The following MTUS2 variants were observed in gnomAD, a reference collection of about 807,000 sequenced individuals.
MTUS2 encodes the protein microtubule-associated tumor suppressor candidate 2.
Under a neutral mutation model 114.1 loss-of-function variants are expected in MTUS2, and 40 were observed. The ratio of observed to expected loss-of-function variants is 0.35; its 90% CI spans 0.27 to 0.46. MTUS2 has a LOEUF of 0.46. MTUS2 is among the 20% of genes least tolerant of loss of function. The pLI is 1.00. For synonymous variants in MTUS2, 688 were observed against 672.0 expected (o/e 1.02, Z -0.37); for missense variants, 1,679 against 1,705.4 (o/e 0.98, Z 0.27).
intron 5 of MTUS2, among the ~76,000 whole-genome samples, chr13:29,132,072 CA>C (rs1891787455): frequency 6.6e-6 from 1 of 152,184 alleles, no homozygotes; most frequent in South Asian, 2.1e-4. Flanking sequence ...GGTTTCAGCC[CA>C]AATATTGACA....
At chr13:28,844,124 C>T (rs1875699410) in intron 2 of MTUS2, among the ~76,000 whole-genome samples, 1 of 152,152 alleles carries the variant, frequency 6.6e-6, no homozygotes, top group African/African-American at 2.4e-5. Context: ...TGGATTTCTG[C>T]CCTCTCCTTG....
At chr13:28,898,205 G>A (rs1392337956) in intron 2 of MTUS2, among the ~76,000 whole-genome samples, 1 of 152,124 alleles carries the variant, frequency 6.6e-6, no homozygotes, top group African/African-American at 2.4e-5. Context: ...TGTAGTCCAT[G>A]ACAGAAGAGC....
At chr13:29,165,061 C>T (rs372531304) in intron 5 of MTUS2, among the ~76,000 whole-genome samples, 9 of 152,266 alleles carry the variant, frequency 5.9e-5, no homozygotes, top group African/African-American at 1.4e-4. Flanking sequence ...ATAGAAACTG[C>T]ACTACACAGC....
intron 2 of MTUS2, among the ~76,000 whole-genome samples, chr13:28,990,381 C>T (rs1243678966): frequency 6.6e-6 from 1 of 152,118 alleles, no homozygotes; most frequent in East Asian, 1.9e-4. Context: ...GCTGGACTTA[C>T]TGGGTGTAGT....
chr13:29,098,465 CACAT>C (rs1045698927), intron 4 of MTUS2, among the ~76,000 whole-genome samples: 7 of 99,374 alleles, frequency 7.0e-5, no homozygotes, highest in East Asian at 4.4e-4. Context: ...CACACACACA[CACAT>C]GTGCGTGCAT....
chr13:28,960,388 C>A (rs1254553054), intron 2 of MTUS2, among the ~76,000 whole-genome samples: 1 of 152,006 alleles, frequency 6.6e-6, no homozygotes, highest in African/African-American at 2.4e-5. Context: ...GGTATATATC[C>A]AAGAGTGTGA....
At chr13:29,287,847 T>TG (rs1362581459) in intron 6 of MTUS2, among the ~76,000 whole-genome samples, 1 of 152,208 alleles carries the variant, frequency 6.6e-6, no homozygotes, top group Non-Finnish European at 1.5e-5. Flanking sequence ...GATGTGCAGA[T>TG]GAGTGAGACA....
intron 4 of MTUS2, among the ~76,000 whole-genome samples, chr13:29,089,016 G>A (rs139765344): frequency 6.6e-6 from 1 of 152,330 alleles, no homozygotes; most frequent in African/African-American, 2.4e-5. Flanking sequence ...TGGTTGTTAT[G>A]TAGACTTGAT....
chr13:29,358,987 A>G (rs1178851450), intron 7 of MTUS2, among the ~76,000 whole-genome samples: 2 of 149,856 alleles, frequency 1.3e-5, no homozygotes, highest in African/African-American at 2.4e-5. Context: ...TCTCTCTCCA[A>G]GCAAGCCTAG....
At chr13:29,347,763 C>T (rs1868852812) in intron 7 of MTUS2, among the ~76,000 whole-genome samples, 1 of 152,200 alleles carries the variant, frequency 6.6e-6, no homozygotes, top group South Asian at 2.1e-4. Flanking sequence ...GTGTATGTGA[C>T]CCACACGTCT....
intron 10 of MTUS2, among the ~76,000 whole-genome samples, chr13:29,481,412 G>A (rs1444061788): frequency 6.6e-6 from 1 of 151,148 alleles, no homozygotes; most frequent in Non-Finnish European, 1.5e-5. Context: ...CTTTTCTCTT[G>A]TTTCTAAGTT....
At chr13:29,068,461 A>G (rs1888761944) in intron 4 of MTUS2, among the ~76,000 whole-genome samples, 1 of 4,432 alleles carries the variant, frequency 2.3e-4, no homozygotes, top group Admixed American at 2.9e-3. Context: ...ATTTGGAGAA[A>G]CACTATCTTT....
chr13:29,324,651 A>G lies in MTUS2; in HGVS notation c.2845A>G (p.Lys949Glu), dbSNP rs1900404255. 1 of 1,596,350 alleles carries G rather than the reference A, an allele frequency of 6.3e-7. No homozygotes were observed. Residue 949 changes from lysine to glutamate, a missense_variant, in exon 7 of 16, where the codon AAA becomes GAA. Lys to Glu is a moderately conservative substitution (Grantham distance 56, BLOSUM62 1). Transcript: ENST00000612955. ...KDAQKDQDTN[K>E]PAVSSPKRVA... ...TGCTCAGAAAGATCAAGATACGAAT[A>G]AACCTGCTGTTTCATCTCCTAAGAG...
rs1272779237 is a variant in MTUS2, at chr13:29,422,715, G to C, written c.3118-17268G>C. On this transcript the variant is annotated intron_variant, in intron 8 of 15. Transcript: ENST00000612955. ...CTGTTTCTCTGTTGCCTGGGCTGAAGTGTAGTGGCATGATCTCAGCTTACT... is the reference window on the plus strand; with the variant it reads ...CTGTTTCTCTGTTGCCTGGGCTGAACTGTAGTGGCATGATCTCAGCTTACT... 3.2e-5 allele frequency among the ~76,000 whole-genome samples: 4 copies of C among 126,552 alleles called. No homozygotes were observed. In the Admixed American group the frequency reaches 4.0e-4, roughly 13 times the overall value. The allele number at this position is 126,552 out of a possible 152,430, so 83.0% of individuals were successfully genotyped here.
intron 7 of MTUS2, among the ~76,000 whole-genome samples, chr13:29,334,798 G>C (rs1303938377): frequency 6.6e-6 from 1 of 151,992 alleles, no homozygotes; most frequent in Non-Finnish European, 1.5e-5. Flanking sequence ...TGAAGCCACG[G>C]CAGAAGAACA....
intron 2 of MTUS2, among the ~76,000 whole-genome samples, chr13:28,976,999 TC>T (rs1566265230): frequency 6.6e-6 from 1 of 152,080 alleles, no homozygotes; most frequent in East Asian, 1.9e-4. Context: ...GATATACCCT[TC>T]CCCCCTTTGA....
intron 9 of MTUS2, among the ~76,000 whole-genome samples, chr13:29,458,582 A>G (rs1317670160): frequency 6.6e-6 from 1 of 152,058 alleles, no homozygotes; most frequent in Non-Finnish European, 1.5e-5. Context: ...TGATGATCTC[A>G]TCTACCCCTA....
intron 9 of MTUS2, among the ~76,000 whole-genome samples, chr13:29,451,353 C>T (rs537391512): frequency 6.6e-6 from 1 of 151,794 alleles, no homozygotes; most frequent in South Asian, 2.1e-4. Context: ...AAAGAGGAAA[C>T]CACAAGATAA....
intron 2 of MTUS2, among the ~76,000 whole-genome samples, chr13:28,955,493 G>A (rs1303589419): frequency 2.6e-5 from 4 of 151,968 alleles, no homozygotes; most frequent in South Asian, 2.1e-4. Flanking sequence ...TAATGATGCC[G>A]CCATAAAAGG....
Sources: allele counts gnomAD v4.1 joint callset (sites outside exome capture counted in the v4.1 genomes callset), GRCh38; gene constraint gnomAD v4.1.1; transcripts MANE v1.5; gene names NCBI Gene and HGNC (gene_info 2026-07-23, HGNC 2026-07-21).